The following RO60 variants were observed in gnomAD, a reference collection of about 807,000 sequenced individuals.
RO60 encodes the protein Ro60, Y RNA binding protein, also known as RNA-binding protein RO60.
A neutral mutation model predicts 55.3 loss-of-function variants in RO60; 20 were observed. That is an observed-to-expected ratio of 0.36 (90% CI 0.25 to 0.53). The LOEUF is 0.53. Ranked by LOEUF, RO60 falls within the 20% of genes least tolerant of loss-of-function variation. The pLI, the probability that RO60 is intolerant of heterozygous loss-of-function variation, is 0.92. For missense variants in RO60, 558 were observed against 646.6 expected, an observed-to-expected ratio of 0.86 and a Z score of 1.49; for synonymous variants, 213 against 213.6, an observed-to-expected ratio of 1.00 and a Z score of 0.02.
chr1:193,075,972 A>T lies in RO60; in HGVS notation c.733A>T (p.Ile245Phe). 1 of 1,613,238 alleles carries T rather than the reference A, an allele frequency of 6.2e-7. No homozygotes were observed. Among genetic ancestry groups the T allele is most frequent in the Non-Finnish European group, 8.5e-7 (1 of 1,179,558 alleles). Residue 245 changes from isoleucine (I) to phenylalanine (F), a missense_variant, in exon 3 of 9, where the codon ATT (isoleucine) becomes TTT (phenylalanine). Ile to Phe is a conservative substitution (Grantham distance 21). Coordinates refer to ENST00000400968, the MANE Select transcript of RO60 (RefSeq NM_001173524.2). Reference sequence around the variant, plus strand: ...GCGCACAAGAGATGAGCTAGAAGTCATTCATCTAATAGAAGAACATAGATT... The same window carrying T: ...GCGCACAAGAGATGAGCTAGAAGTCTTTCATCTAATAGAAGAACATAGATT... Reference protein sequence around the residue: ...VKRTRDELEVIHLIEEHRLVR... With the variant: ...VKRTRDELEVFHLIEEHRLVR...
At position 193,084,875 on chromosome 1, in the gene RO60, AAAAG is replaced by A. The variant is rs1160992096; in HGVS notation, c.*147_*150del. The A allele has an allele frequency of 2.0e-6, 3 of 1,473,248 alleles. No individual in the cohort carries two copies. The highest frequency in any genetic ancestry group is 9.0e-7 in the Non-Finnish European group (1 of 1,117,266). The allele number at this position is 1,473,248 out of a possible 1,614,324, so 91.3% of individuals were successfully genotyped here. Reference sequence around the variant, plus strand: ...GGAAAGTTACCTTACTGAAAAAAAAAAAAGAAGGAAAAATAAGATGGGCCCAAAG... The same window carrying A: ...GGAAAGTTACCTTACTGAAAAAAAAAAAGGAAAAATAAGATGGGCCCAAAG... On this transcript the variant is annotated 3_prime_UTR_variant, in exon 9 of 9. Coordinates refer to ENST00000400968, the MANE Select transcript of RO60 (RefSeq NM_001173524.2).
At chr1:193,073,896 C>T (rs1437838601) in intron 2 of RO60, among the ~76,000 whole-genome samples, 3 of 107,464 alleles carry the variant, frequency 2.8e-5, no homozygotes, top group Non-Finnish European at 5.7e-5. Flanking sequence ...CCTCCCCCCA[C>T]CCCACAACAG....
chr1:193,075,867 C>G lies in RO60; in HGVS notation c.628C>G (p.His210Asp). 1.2e-6 allele frequency: 2 copies of G among 1,611,676 alleles called. No individual in the cohort carries two copies. Among genetic ancestry groups the G allele is most frequent in the Non-Finnish European group, 1.7e-6 (2 of 1,178,930 alleles). The change falls in exon 3 of 9, where the codon CAT (histidine) becomes GAT (aspartate). Residue 210 changes from histidine to aspartate, a missense_variant. Coordinates refer to ENST00000400968, the MANE Select transcript of RO60 (RefSeq NM_001173524.2). ...KYITKGWKEV[H>D]ELYKEKALSV... ...TATTACAAAGGGCTGGAAAGAAGTT[C>G]ATGAATTGTATAAAGAAAAAGCACT...
chr1:193,062,023 G>A (rs957899590), intron 1 of RO60, among the ~76,000 whole-genome samples: 5 of 151,078 alleles, frequency 3.3e-5, no homozygotes, highest in African/African-American at 1.2e-4. Flanking sequence ...TAATATTATA[G>A]TATTGTAATA....
rs535878843 is a variant in RO60, at chr1:193,066,367, G to A, written c.-21-2667G>A. On this transcript the variant is annotated intron_variant, in intron 1 of 8. Coordinates refer to ENST00000400968, the MANE Select transcript of RO60 (RefSeq NM_001173524.2). ...ATAAGTATGTGTCTACAAAAGAGTA[G>A]TCTAGCTGTGAAGTTTCTTCCTCAC... Among the ~76,000 whole-genome samples the A allele has an allele frequency of 5.3e-5, 8 of 152,288 alleles. No homozygotes were observed. In the South Asian group the frequency reaches 1.2e-3, roughly 24 times the overall value.
chr1:193,085,445 C>CT lies in RO60; in HGVS notation c.*726dup, dbSNP rs534821329. ...TGGCTGAGGGATTCTATTTGGTTTG[C>CT]TTTTTTTTTTTTGCTTTGTTATATT... On this transcript the variant is annotated 3_prime_UTR_variant, in exon 9 of 9. Transcript: ENST00000400968. 13,295 of 698,664 alleles carry CT rather than the reference C, an allele frequency of 0.019. 1 individual carries two copies. The highest frequency in any genetic ancestry group is 0.022 in the Middle Eastern group (31 of 1,386). 43.3% of individuals were successfully genotyped at this position (698,664 alleles called of 1,614,324 possible).
In RO60 at chr1:193,087,435, T is replaced by C. The variant is rs1189837579; in HGVS notation, c.*2704T>C. On this transcript the variant is annotated 3_prime_UTR_variant, in exon 9 of 9. Coordinates refer to ENST00000400968, the MANE Select transcript of RO60 (RefSeq NM_001173524.2). ...ATTAGTAAAACAAAAACTAATCTTATAATCCCACCCTTTATTAGTTGAAAG... is the reference window on the plus strand; with the variant it reads ...ATTAGTAAAACAAAAACTAATCTTACAATCCCACCCTTTATTAGTTGAAAG... The C allele has an allele frequency of 1.3e-5, 2 of 152,190 alleles. No individual in the cohort carries two copies. The highest frequency in any genetic ancestry group is 4.8e-5 in the African/African-American group (2 of 41,466). 9.4% of individuals were successfully genotyped at this position (152,190 alleles called of 1,614,324 possible). A position where few individuals can be genotyped will look rare whatever the true frequency, so the allele number is the denominator to read the frequency against.
chr1:193,091,505 TC>T, downstream of RO60: 1 of 682,430 alleles, frequency 1.5e-6, no homozygotes, highest in South Asian at 1.8e-5. Context: ...TGTCAAGTCT[TC>T]CAAGTTTTCA....
In RO60 at chr1:193,085,481, A is replaced by G. The variant is rs1281658289; in HGVS notation, c.*750A>G. On this transcript the variant is annotated 3_prime_UTR_variant, in exon 9 of 9. Coordinates refer to ENST00000400968, the MANE Select transcript of RO60 (RefSeq NM_001173524.2). The stretch of plus-strand genomic sequence containing the variant: ...TTGCTTTGTTATATTTTATTGCTAC[A>G]AGGGGTGTGACTTGATAATGATTTC... 16 of 984,682 alleles carry G rather than the reference A, an allele frequency of 1.6e-5. No homozygotes were observed. The highest frequency in any genetic ancestry group is 1.9e-5 in the Non-Finnish European group (16 of 829,986). The allele number at this position is 984,682 out of a possible 1,614,324, so 61.0% of individuals were successfully genotyped here.
intron 8 of RO60, among the ~76,000 whole-genome samples, chr1:193,083,257 C>A (rs1674440779): frequency 6.6e-6 from 1 of 151,966 alleles, no homozygotes; most frequent in Non-Finnish European, 1.5e-5. Context: ...TGGTAATAAT[C>A]AGAATATTTG....
chr1:193,079,244 C>T (rs1674134140), intron 5 of RO60, among the ~76,000 whole-genome samples: 1 of 152,100 alleles, frequency 6.6e-6, no homozygotes, highest in Non-Finnish European at 1.5e-5. Flanking sequence ...TGCGCCACCA[C>T]ACTCAACTAA....
chr1:193,069,844 A>G lies in RO60; in HGVS notation c.580+210A>G, dbSNP rs943998684. ...GACATTAATAATCAAGAATCAAATG[A>G]CAGGTTTATAGGTTAATATTCTGAA... On this transcript the variant is annotated intron_variant, in intron 2 of 8. Coordinates refer to ENST00000400968, the MANE Select transcript of RO60 (RefSeq NM_001173524.2). 2.6e-5 allele frequency among the ~76,000 whole-genome samples: 4 copies of G among 152,356 alleles called. No individual in the cohort carries two copies. In the South Asian group the frequency reaches 8.3e-4, roughly 32 times the overall value.
In RO60 at chr1:193,086,546, A is replaced by T. The variant is rs961324055; in HGVS notation, c.*1815A>T. On this transcript the variant is annotated 3_prime_UTR_variant, in exon 9 of 9. Transcript: ENST00000400968. The stretch of plus-strand genomic sequence containing the variant: ...GAATTTAAAGTTTAAAGAAACTAAT[A>T]GAATTACGTAATAGTTATTGAATTG... 6 of 152,326 alleles carry T rather than the reference A, an allele frequency of 3.9e-5. No individual in the cohort carries two copies. Among genetic ancestry groups the T allele is most frequent in the African/African-American group, 1.4e-4 (6 of 41,586 alleles). The allele number at this position is 152,326 out of a possible 1,614,324, so 9.4% of individuals were successfully genotyped here.
Position 193,087,613 on chromosome 1 carries a change from G to C in RO60, c.*2882G>C, listed in dbSNP as rs1012137020. ...CTTACTGTGTGACTGTAGACAACCA[G>C]TTTAACCTAAGTGATTTGATTATTT... On this transcript the variant is annotated 3_prime_UTR_variant, in exon 9 of 9. Coordinates refer to ENST00000400968, the MANE Select transcript of RO60 (RefSeq NM_001173524.2). The C allele has an allele frequency of 6.6e-6, 1 of 152,114 alleles. No individual in the cohort carries two copies. The highest frequency in any genetic ancestry group is 2.4e-5 in the African/African-American group (1 of 41,426). 9.4% of individuals were successfully genotyped at this position (152,114 alleles called of 1,614,324 possible). A position where few individuals can be genotyped will look rare whatever the true frequency, so the allele number is the denominator to read the frequency against.
intron 3 of RO60, 107 bp downstream of exon 3, chr1:193,076,147 T>C (rs1232454080): frequency 1.6e-6 from 1 of 641,112 alleles, no homozygotes; most frequent in Non-Finnish European, 2.4e-6. Context: ...TAAAAAGAAA[T>C]TATTTAAAAT....
Position 193,076,385 on chromosome 1 carries a change from T to C in RO60, c.802-116T>C, listed in dbSNP as rs1432346512. ...AGACATTTTTCATTCTGAAAGTACT[T>C]TGAACCCCAAATGAAAGCCTCAGAG... On this transcript the variant is annotated intron_variant, in intron 3 of 8. Coordinates refer to ENST00000400968, the MANE Select transcript of RO60 (RefSeq NM_001173524.2). 3.6e-6 allele frequency: 4 copies of C among 1,120,140 alleles called. No individual in the cohort carries two copies. The Admixed American group carries it at 8.7e-5, about 24-fold the overall frequency. The allele number at this position is 1,120,140 out of a possible 1,614,324, so 69.4% of individuals were successfully genotyped here. A position where few individuals can be genotyped will look rare whatever the true frequency, so the allele number is the denominator to read the frequency against.
At position 193,062,634 on chromosome 1, in the gene RO60, A is replaced by G. The variant is rs191539067; in HGVS notation, c.-22+2858A>G. ...TCACCACTAATTTCTGAACATTTTC[A>G]TCACCCAAAAAGAAATCCCCTACCC... On this transcript the variant is annotated intron_variant, in intron 1 of 8. Transcript: ENST00000400968. 1.8e-3 allele frequency among the ~76,000 whole-genome samples: 267 copies of G among 152,304 alleles called. 1 individual carries two copies. Among genetic ancestry groups the G allele is most frequent in the South Asian group, 9.7e-3 (47 of 4,824 alleles).
intron 2 of RO60, among the ~76,000 whole-genome samples, chr1:193,071,396 A>G (rs1483166457): frequency 6.6e-6 from 1 of 152,240 alleles, no homozygotes; most frequent in South Asian, 2.1e-4. Flanking sequence ...AGTAAAAAGT[A>G]TATTATTGCT....
At chr1:193,078,843 A>G (rs1210204983) in intron 5 of RO60, among the ~76,000 whole-genome samples, 1 of 152,134 alleles carries the variant, frequency 6.6e-6, no homozygotes, top group African/African-American at 2.4e-5. Context: ...CAAAATCCCA[A>G]TGGCATGTTT....
Sources: gnomAD v4.1 joint callset for allele counts (sites outside exome capture counted in the v4.1 genomes callset) on GRCh38, gnomAD v4.1.1 for gene constraint, MANE v1.5 for transcripts, NCBI Gene and HGNC (gene_info 2026-07-23, HGNC 2026-07-21) for gene names.